Variants in CNTN4 observed in about 807,000 individuals in gnomAD.
The protein encoded by CNTN4 is contactin 4, also known as contactin-4.
CNTN4 carries 77 observed loss-of-function variants against 122.5 expected under a neutral mutation model. That is an observed-to-expected ratio of 0.63 (90% CI 0.52 to 0.76). CNTN4 has a LOEUF of 0.76. Ranked by LOEUF, CNTN4 falls within the 30% of genes least tolerant of loss-of-function variation. The probability of loss-of-function intolerance (pLI) is 0.00; values close to 1 mark genes in which losing one functional copy is unlikely to be tolerated. For synonymous variants in CNTN4, 512 were observed against 447.0 expected (o/e 1.15, Z -1.83); for missense variants, 1,256 against 1,259.1 (o/e 1.00, Z 0.04).
intron 6 of CNTN4, among the ~76,000 whole-genome samples, chr3:2,810,148 C>T (rs890137082): frequency 1.3e-4 from 20 of 152,100 alleles, no homozygotes; most frequent in African/African-American, 3.9e-4. Flanking sequence ...CGGGAAAATC[C>T]GGATTCTAAT....
chr3:3,032,214 A>G (rs1699225256), intron 16 of CNTN4, among the ~76,000 whole-genome samples: 1 of 152,216 alleles, frequency 6.6e-6, no homozygotes, highest in South Asian at 2.1e-4. Flanking sequence ...GTTTATTTCC[A>G]TTTGAAAATA....
intron 2 of CNTN4, among the ~76,000 whole-genome samples, chr3:2,102,619 A>G (rs1437881336): frequency 1.3e-5 from 2 of 152,216 alleles, no homozygotes; most frequent in African/African-American, 2.4e-5. Flanking sequence ...TGCCGTCTTC[A>G]GCAGGGTCAC....
chr3:2,683,077 A>G (rs1406578189), intron 4 of CNTN4, among the ~76,000 whole-genome samples: 1 of 152,124 alleles, frequency 6.6e-6, no homozygotes, highest in Non-Finnish European at 1.5e-5. Context: ...TCTATAAGAC[A>G]AAACAATCCA....
chr3:2,971,376 A>G (rs1436341978), intron 13 of CNTN4, among the ~76,000 whole-genome samples: 1 of 151,616 alleles, frequency 6.6e-6, no homozygotes, highest in Non-Finnish European at 1.5e-5. Context: ...ATCTATATAT[A>G]TATATATTTG....
chr3:2,529,367 C>T (rs978453223), intron 3 of CNTN4, among the ~76,000 whole-genome samples: 5 of 152,078 alleles, frequency 3.3e-5, no homozygotes, highest in African/African-American at 9.7e-5. Flanking sequence ...TGGATACTTA[C>T]ATTGATTCCA....
intron 6 of CNTN4, among the ~76,000 whole-genome samples, chr3:2,799,904 GTA>G (rs1315230465): frequency 6.6e-6 from 1 of 151,970 alleles, no homozygotes; most frequent in Non-Finnish European, 1.5e-5. Flanking sequence ...TTTCCCCAGT[GTA>G]TATTTTTGTC....
At chr3:2,295,301 A>C (rs940251265) in intron 2 of CNTN4, among the ~76,000 whole-genome samples, 32 of 141,850 alleles carry the variant, frequency 2.3e-4, no homozygotes, top group East Asian at 1.8e-3. Flanking sequence ...CCAACAGTGT[A>C]AAAGTGTTCC....
intron 4 of CNTN4, among the ~76,000 whole-genome samples, chr3:2,621,620 C>A (rs529536744): frequency 6.6e-6 from 1 of 152,100 alleles, no homozygotes; most frequent in Non-Finnish European, 1.5e-5. Flanking sequence ...ACGTTCTGCA[C>A]ATGTACCCCA....
chr3:2,114,822 A>G (rs1019620352), intron 2 of CNTN4, among the ~76,000 whole-genome samples: 4 of 152,184 alleles, frequency 2.6e-5, no homozygotes, highest in African/African-American at 4.8e-5. Context: ...GCTGACCAAT[A>G]TATTTTCTGG....
At chr3:2,101,131 G>A (rs1298962952) in intron 2 of CNTN4, among the ~76,000 whole-genome samples, 1 of 152,162 alleles carries the variant, frequency 6.6e-6, no homozygotes, top group Non-Finnish European at 1.5e-5. Context: ...AGTGATTAGA[G>A]AACAAACCTT....
At chr3:2,484,758 C>T (rs2076098233) in intron 3 of CNTN4, among the ~76,000 whole-genome samples, 1 of 152,212 alleles carries the variant, frequency 6.6e-6, no homozygotes, top group Non-Finnish European at 1.5e-5. Flanking sequence ...GCTGGCAGCC[C>T]TCACAGCCCT....
rs529053358 is a variant in CNTN4 at position 2,477,243 on chromosome 3, G to A, written c.-88-94173G>A. The stretch of plus-strand genomic sequence containing the variant: ...GGGAGTGGCAGAAAACCTGGGACAG[G>A]ATTCAGGCCAAAACTGAAGGCTCCA... On this transcript the variant is annotated intron_variant, in intron 3 of 24. Coordinates refer to ENST00000418658, the MANE Select transcript of CNTN4 (RefSeq NM_175607.3). 7.2e-5 allele frequency among the ~76,000 whole-genome samples: 11 copies of A among 152,320 alleles called. 1 individual carries two copies. The South Asian group carries it at 2.1e-3, about 29-fold the overall frequency.
At chr3:2,324,796 C>T (rs2043395840) in intron 2 of CNTN4, among the ~76,000 whole-genome samples, 1 of 150,552 alleles carries the variant, frequency 6.6e-6, no homozygotes, top group South Asian at 2.1e-4. Context: ...CCTGGCTCAT[C>T]TAATTTCTAC....
chr3:2,760,413 T>C (rs2090535912), intron 6 of CNTN4, among the ~76,000 whole-genome samples: 1 of 152,220 alleles, frequency 6.6e-6, no homozygotes, highest in African/African-American at 2.4e-5. Context: ...TTGCACGTTA[T>C]CGGTTTTAAT....
At chr3:2,761,151 C>G (rs566686007) in intron 6 of CNTN4, among the ~76,000 whole-genome samples, 160 of 152,258 alleles carry the variant, frequency 1.1e-3, no homozygotes, top group African/African-American at 3.7e-3. Flanking sequence ...GACACTGACC[C>G]AAGGTTTATT....
At chr3:2,283,334 T>A (rs1213893622) in intron 2 of CNTN4, among the ~76,000 whole-genome samples, 1 of 152,154 alleles carries the variant, frequency 6.6e-6, no homozygotes, top group Non-Finnish European at 1.5e-5. Flanking sequence ...TGCATTTGGA[T>A]AAGAAACACA....
intron 3 of CNTN4, among the ~76,000 whole-genome samples, chr3:2,448,935 A>G (rs1005433977): frequency 3.9e-5 from 6 of 152,178 alleles, no homozygotes; most frequent in Non-Finnish European, 1.5e-5. Context: ...ATGTAAGGCT[A>G]CCTTTCTATC....
In CNTN4 at chr3:2,622,384, C is replaced by T. The variant is rs557660028; in HGVS notation, c.55+50826C>T. ...TCTGCTCACTGCAACTTCTGCCACC[C>T]GGGTTCCAGTGATTCTCGTGCCTCA... On this transcript the variant is annotated intron_variant, in intron 4 of 24. Transcript: ENST00000418658. Among the ~76,000 whole-genome samples the T allele has an allele frequency of 5.7e-4, 87 of 152,272 alleles. 1 individual carries two copies. The highest frequency in any genetic ancestry group is 2.0e-3 in the African/African-American group (84 of 41,562).
chr3:2,596,387 C>T (rs868578355), intron 4 of CNTN4, among the ~76,000 whole-genome samples: 2 of 151,960 alleles, frequency 1.3e-5, no homozygotes, highest in African/African-American at 4.8e-5. Context: ...ATCGGTTGTC[C>T]TCCAAATTCT....
Sources: gnomAD v4.1 joint callset for allele counts (sites outside exome capture counted in the v4.1 genomes callset) on GRCh38, gnomAD v4.1.1 for gene constraint, MANE v1.5 for transcripts, NCBI Gene and HGNC (gene_info 2026-07-23, HGNC 2026-07-21) for gene names.